ROBO2: variants seen among roughly 807,000 people sequenced by gnomAD.
ROBO2 encodes roundabout guidance receptor 2, also known as roundabout homolog 2.
A neutral mutation model predicts 160.8 loss-of-function variants in ROBO2; 53 were observed. That is an observed-to-expected ratio of 0.33 (90% confidence interval 0.26 to 0.41). The LOEUF is 0.41. ROBO2 is among the 10% of genes least tolerant of loss of function. The probability of loss-of-function intolerance (pLI) is 1.00; values close to 1 mark genes in which losing one functional copy is unlikely to be tolerated. For synonymous variants in ROBO2, 664 were observed against 611.7 expected (o/e 1.09, Z -1.26); for missense variants, 1,577 against 1,722.4 (o/e 0.92, Z 1.49).
At chr3:76,970,868 AAAGT>A (rs544463668) in intron 2 of ROBO2, among the ~76,000 whole-genome samples, 1 of 152,180 alleles carries the variant, frequency 6.6e-6, no homozygotes, top group Non-Finnish European at 1.5e-5. Context: ...TTAGCTACAT[AAAGT>A]CACTTATGTC....
intron 2 of ROBO2, among the ~76,000 whole-genome samples, chr3:76,130,209 A>G (rs1210314018): frequency 6.6e-6 from 1 of 152,112 alleles, no homozygotes; most frequent in Non-Finnish European, 1.5e-5. Context: ...CAAATTATCC[A>G]CCAGAAATCC....
intron 2 of ROBO2, among the ~76,000 whole-genome samples, chr3:76,921,029 G>A (rs974163487): frequency 4.6e-5 from 7 of 152,158 alleles, no homozygotes; most frequent in African/African-American, 1.7e-4. Flanking sequence ...GCCAGAGAAT[G>A]GAGGGTGGGG....
At chr3:75,924,676 C>CTTTTCTTT (rs1947206401) in intron 1 of ROBO2, among the ~76,000 whole-genome samples, 6 of 62,398 alleles carry the variant, frequency 9.6e-5, no homozygotes, top group African/African-American at 3.5e-4. Flanking sequence ...AATTTATTTT[C>CTTTTCTTT]TTTTCTTTTT....
chr3:77,025,328 C>A (rs1165752525), intron 2 of ROBO2, among the ~76,000 whole-genome samples: 3 of 152,030 alleles, frequency 2.0e-5, no homozygotes, highest in Non-Finnish European at 4.4e-5. Flanking sequence ...TTCTGTTAAC[C>A]ATTTTGAGAC....
chr3:76,368,639 T>C (rs927323999), intron 2 of ROBO2, among the ~76,000 whole-genome samples: 2 of 152,022 alleles, frequency 1.3e-5, no homozygotes, highest in African/African-American at 4.8e-5. Context: ...TTTCAAGAGA[T>C]GGGAAATGGA....
intron 2 of ROBO2, among the ~76,000 whole-genome samples, chr3:76,197,850 A>C (rs1702334593): frequency 6.6e-6 from 1 of 152,208 alleles, no homozygotes; most frequent in Admixed American, 6.5e-5. Flanking sequence ...TTGATGTGCC[A>C]GCTATTTTTG....
intron 2 of ROBO2, among the ~76,000 whole-genome samples, chr3:76,138,150 G>A (rs1268182149): frequency 2.6e-5 from 4 of 151,784 alleles, no homozygotes; most frequent in African/African-American, 9.7e-5. Flanking sequence ...ATAATCAAAT[G>A]AAAATGCCAA....
intron 2 of ROBO2, among the ~76,000 whole-genome samples, chr3:76,663,991 G>A (rs1015649584): frequency 4.6e-5 from 7 of 152,012 alleles, no homozygotes; most frequent in Non-Finnish European, 8.8e-5. Flanking sequence ...GGAGAAAGGG[G>A]GCAAAAGGGT....
chr3:77,050,640 T>C (rs1362671631), intron 1 of ROBO2, among the ~76,000 whole-genome samples: 1 of 149,708 alleles, frequency 6.7e-6, no homozygotes, highest in Non-Finnish European at 1.5e-5. Context: ...CAACATTTAA[T>C]GTGGTGGTCT....
intron 2 of ROBO2, among the ~76,000 whole-genome samples, chr3:77,167,601 T>C (rs1269578980): frequency 6.6e-6 from 1 of 152,190 alleles, no homozygotes; most frequent in Admixed American, 6.5e-5. Context: ...AATATATAAG[T>C]CTTTTTCTGT....
intron 2 of ROBO2, among the ~76,000 whole-genome samples, chr3:76,425,502 GTGTGTGTGTGT>G (rs2076180034): frequency 7.1e-6 from 1 of 139,926 alleles, no homozygotes; most frequent in African/African-American, 2.5e-5. Flanking sequence ...GTGTGTGTGT[GTGTGTGTGTGT>G]GTGTGTGTGT....
At chr3:76,549,759 A>G (rs2083309243) in intron 2 of ROBO2, among the ~76,000 whole-genome samples, 1 of 152,118 alleles carries the variant, frequency 6.6e-6, no homozygotes, top group South Asian at 2.1e-4. Flanking sequence ...ATTCTTCCTT[A>G]GGTTTGATTG....
chr3:76,655,268 C>T (rs1330317515), intron 2 of ROBO2, among the ~76,000 whole-genome samples: 2 of 149,316 alleles, frequency 1.3e-5, no homozygotes, highest in Non-Finnish European at 3.0e-5. Flanking sequence ...TATTATATAG[C>T]CTTGAAAATG....
At chr3:76,061,816 A>G (rs1278750332) in intron 2 of ROBO2, among the ~76,000 whole-genome samples, 3 of 152,048 alleles carry the variant, frequency 2.0e-5, no homozygotes, top group Non-Finnish European at 4.4e-5. Context: ...TATCAGCAGG[A>G]CTGAATTCCT....
At chr3:77,097,783 C>T (rs1310490305) in intron 1 of ROBO2, among the ~76,000 whole-genome samples, 1 of 152,064 alleles carries the variant, frequency 6.6e-6, no homozygotes, top group African/African-American at 2.4e-5. Context: ...TGTCATGATT[C>T]ATGGAACACA....
intron 2 of ROBO2, among the ~76,000 whole-genome samples, chr3:76,831,072 C>G (rs891292350): frequency 2.6e-5 from 4 of 152,102 alleles, no homozygotes; most frequent in Admixed American, 1.3e-4. Flanking sequence ...TACATTTATT[C>G]TTTTTCTCAG....
chr3:76,338,150 T>C (rs1343457869), intron 2 of ROBO2, among the ~76,000 whole-genome samples: 1 of 152,158 alleles, frequency 6.6e-6, no homozygotes, highest in Non-Finnish European at 1.5e-5. Flanking sequence ...GGAATTTAGT[T>C]TCCTTCTCAG....
intron 2 of ROBO2, among the ~76,000 whole-genome samples, chr3:76,227,716 G>A (rs780837324): frequency 1.8e-4 from 28 of 152,064 alleles, no homozygotes; most frequent in Admixed American, 9.2e-4. Context: ...TAAGACCAAC[G>A]GAGTCACCTT....
intron 1 of ROBO2, among the ~76,000 whole-genome samples, chr3:77,096,458 T>C (rs968169981): frequency 3.9e-4 from 59 of 151,914 alleles, no homozygotes; most frequent in Middle Eastern, 6.8e-3. Context: ...TTTTCTTTTT[T>C]TTTTTTTGAG....
Sources: allele counts gnomAD v4.1 joint callset (sites outside exome capture counted in the v4.1 genomes callset), GRCh38; gene constraint gnomAD v4.1.1; transcripts MANE v1.5; gene names NCBI Gene and HGNC (gene_info 2026-07-23, HGNC 2026-07-21).